The following ITGA8 variants were observed in gnomAD, a reference collection of about 807,000 sequenced individuals.
The protein encoded by ITGA8 is integrin subunit alpha 8.
A neutral mutation model predicts 142.3 loss-of-function variants in ITGA8; 91 were observed. The ratio of observed to expected loss-of-function variants is 0.64; its 90% CI spans 0.54 to 0.76. The LOEUF is 0.76. Among genes scored for constraint, ITGA8 ranks in the 30% least tolerant of loss-of-function variants. The pLI, the probability that ITGA8 is intolerant of heterozygous loss-of-function variation, is 0.00. For synonymous variants in ITGA8, 505 were observed against 485.2 expected, an observed-to-expected ratio of 1.04 and a Z score of -0.54; for missense variants, 1,406 against 1,327.7, an observed-to-expected ratio of 1.06 and a Z score of -0.92.
In ITGA8 at chr10:15,707,212, A is replaced by G. The variant is rs531720208; in HGVS notation, c.343+11554T>C. Among the ~76,000 whole-genome samples the G allele has an allele frequency of 4.3e-4, 66 of 152,322 alleles. 1 individual carries two copies. In the South Asian group the frequency reaches 0.014, roughly 32 times the overall value. ...CTGGACTGAGATTGCAAATGGAATT[A>G]AGGTTGCTAATCAGCTGATCTCAAA... On this transcript the variant is annotated intron_variant, in intron 2 of 29. Transcript: ENST00000378076.
intron 25 of ITGA8, among the ~76,000 whole-genome samples, chr10:15,568,646 A>G (rs1834120659): frequency 6.6e-6 from 1 of 152,198 alleles, no homozygotes; most frequent in African/African-American, 2.4e-5. Flanking sequence ...TTTGGCATTC[A>G]GAATGCATTT....
chr10:15,641,215 G>T (rs1833866462), intron 13 of ITGA8, among the ~76,000 whole-genome samples: 1 of 152,138 alleles, frequency 6.6e-6, no homozygotes, highest in African/African-American at 2.4e-5. Context: ...TACCACGGCT[G>T]GCTGAGGGGT....
chr10:15,719,520 C>A (rs996346836), intron 1 of ITGA8, 43 bp downstream of exon 1: 10 of 1,481,994 alleles, frequency 6.7e-6, no homozygotes, highest in East Asian at 2.8e-5. Context: ...GACCCGGGAG[C>A]GCCTTCGTCC....
At chr10:15,654,489 C>A (rs2131664261) in intron 11 of ITGA8, among the ~76,000 whole-genome samples, 1 of 152,270 alleles carries the variant, frequency 6.6e-6, no homozygotes, top group South Asian at 2.1e-4. Flanking sequence ...AAATTTATCT[C>A]CAGTCAAATG....
rs1483811514 is a variant in ITGA8, at chr10:15,605,780, C to T, written c.1914G>A (p.Leu638=). 5 of 1,613,264 alleles carry T rather than the reference C, an allele frequency of 3.1e-6. No homozygotes were observed. Among genetic ancestry groups the T allele is most frequent in the Non-Finnish European group, 4.2e-6 (5 of 1,179,382 alleles). Residue 638 remains leucine, a synonymous_variant, in exon 19 of 30, where the codon CTG becomes CTA. Transcript: ENST00000378076. ...ENIVSEQAHI[L]VDCGEDNLCV... ...ACAGATTGTCTTCTCCACAGTCCAC[C>T]AGAATGTGAGCCTGTGTTGTATAAA...
At chr10:15,627,618 A>T (rs373673826) in intron 13 of ITGA8, among the ~76,000 whole-genome samples, 1 of 152,342 alleles carries the variant, frequency 6.6e-6, no homozygotes, top group African/African-American at 2.4e-5. Flanking sequence ...AGTTATTTTG[A>T]AAACCTCCCA....
intron 17 of ITGA8, among the ~76,000 whole-genome samples, chr10:15,607,413 G>T (rs1247242540): frequency 3.3e-5 from 5 of 152,114 alleles, no homozygotes; most frequent in African/African-American, 4.8e-5. Flanking sequence ...GGGTAGAAAT[G>T]AAAACCATGT....
intron 2 of ITGA8, among the ~76,000 whole-genome samples, chr10:15,692,218 C>A (rs1474388941): frequency 1.3e-5 from 2 of 152,004 alleles, no homozygotes; most frequent in African/African-American, 4.8e-5. Context: ...CAGGTATGAG[C>A]CACTGTACCC....
intron 8 of ITGA8, among the ~76,000 whole-genome samples, chr10:15,666,965 T>C (rs1021242801): frequency 4.2e-4 from 64 of 152,344 alleles, no homozygotes; most frequent in African/African-American, 1.4e-3. Context: ...TCAAGGATAT[T>C]GGTCTAAAAT....
At chr10:15,560,272 C>G (rs1479736133) in intron 25 of ITGA8, among the ~76,000 whole-genome samples, 1 of 151,794 alleles carries the variant, frequency 6.6e-6, no homozygotes, top group Admixed American at 6.6e-5. Context: ...AGAGTGAGGC[C>G]CTGCTTCTAA....
chr10:15,698,401 A>G (rs913159698), intron 2 of ITGA8, among the ~76,000 whole-genome samples: 1 of 152,134 alleles, frequency 6.6e-6, no homozygotes, highest in African/African-American at 2.4e-5. Context: ...TCATATAATG[A>G]CTTCTTTTCA....
chr10:15,654,235 C>T (rs975635498), intron 11 of ITGA8, among the ~76,000 whole-genome samples: 1 of 152,222 alleles, frequency 6.6e-6, no homozygotes, highest in Non-Finnish European at 1.5e-5. Context: ...TATTCATCTA[C>T]TTGGTTGCTT....
intron 8 of ITGA8, among the ~76,000 whole-genome samples, chr10:15,669,068 C>T (rs1042716992): frequency 2.0e-5 from 3 of 152,134 alleles, no homozygotes; most frequent in Non-Finnish European, 4.4e-5. Context: ...GTTGGCCTGC[C>T]TTGATAGATT....
chr10:15,639,060 T>G (rs145597112), intron 13 of ITGA8, among the ~76,000 whole-genome samples: 192 of 151,918 alleles, frequency 1.3e-3, no homozygotes, highest in African/African-American at 4.2e-3. Context: ...GCCCAGGAGT[T>G]TGAGGCTGCA....
chr10:15,650,361 T>C (rs1834063178), intron 11 of ITGA8, among the ~76,000 whole-genome samples: 1 of 152,216 alleles, frequency 6.6e-6, no homozygotes, highest in Admixed American at 6.5e-5. Context: ...TTCAGATGCA[T>C]ATATTAATGG....
intron 14 of ITGA8, 49 bp from the exon 15 acceptor site, chr10:15,613,816 A>T: frequency 7.5e-7 from 1 of 1,331,328 alleles, no homozygotes; most frequent in Non-Finnish European, 1.1e-6. Context: ...CAAGGGTGAT[A>T]GGCAGGCAGA....
Position 15,607,778 on chromosome 10 carries a change from G to A in ITGA8, c.1663C>T (p.Arg555Trp), listed in dbSNP as rs538437434. The change falls in exon 17 of 30, where the codon CGG becomes TGG. Residue 555 changes from arginine (R) to tryptophan (W), a missense_variant. Physicochemically the swap from Arg to Trp is moderately radical, Grantham distance 101 (BLOSUM62 -3). Transcript: ENST00000378076. ...TGATGGTTATCAAGGAAGAGCGTCC[G>A]TTTAATAGCTCCTTTCTGTTTCAGG... ...DSLKQKGAIK[R>W]TLFLDNHQAH... The A allele has an allele frequency of 4.3e-6, 7 of 1,612,226 alleles. No homozygotes were observed. Among genetic ancestry groups the A allele is most frequent in the African/African-American group, 4.0e-5 (3 of 74,722 alleles).
intron 7 of ITGA8, among the ~76,000 whole-genome samples, 165 bp downstream of exon 7, chr10:15,672,459 A>G (rs1486740258): frequency 1.3e-5 from 2 of 152,252 alleles, no homozygotes; most frequent in Non-Finnish European, 2.9e-5. Flanking sequence ...CGCGGCTGGA[A>G]AAATAGCAGT....
At chr10:15,581,314 C>T (rs757020019) in intron 23 of ITGA8, among the ~76,000 whole-genome samples, 1 of 152,188 alleles carries the variant, frequency 6.6e-6, no homozygotes, top group Non-Finnish European at 1.5e-5. Context: ...TACTCCAAGC[C>T]TATTATCACA....
Sources: gnomAD v4.1 joint callset for allele counts (sites outside exome capture counted in the v4.1 genomes callset) on GRCh38, gnomAD v4.1.1 for gene constraint, MANE v1.5 for transcripts, NCBI Gene and HGNC (gene_info 2026-07-23, HGNC 2026-07-21) for gene names.